Variants in LY96 observed in about 807,000 individuals in gnomAD.
The protein encoded by LY96 is lymphocyte antigen 96.
Under a neutral mutation model 18.9 loss-of-function variants are expected in LY96, and 18 were observed. The ratio of observed to expected loss-of-function variants is 0.95; its 90% CI spans 0.66 to 1.41. LY96 has a LOEUF of 1.41. Ranked by LOEUF, LY96 falls within the 40% of genes most tolerant of loss-of-function variation. LY96 has a pLI of 0.00. For synonymous variants in LY96, 66 were observed against 62.6 expected, an observed-to-expected ratio of 1.06 and a Z score of -0.26; for missense variants, 175 against 182.4, an observed-to-expected ratio of 0.96 and a Z score of 0.23.
intron 4 of LY96, among the ~76,000 whole-genome samples, chr8:74,028,245 A>G (rs1257928984): frequency 1.3e-5 from 2 of 152,172 alleles, no homozygotes; most frequent in Non-Finnish European, 2.9e-5. Context: ...CCTTAGTATT[A>G]GGTCTTTTGG....
intron 1 of LY96, among the ~76,000 whole-genome samples, chr8:73,999,101 G>T (rs1297114033): frequency 2.6e-5 from 4 of 151,854 alleles, no homozygotes; most frequent in Non-Finnish European, 4.4e-5. Context: ...CTCCTGAGTA[G>T]CTGGGACGAC....
rs1478086045 is a variant in LY96 at position 74,002,045 on chromosome 8, TCC to T, written c.113-2750_113-2749del. The stretch of plus-strand genomic sequence containing the variant: ...TTCCTTCCTTCCTTCCTTCCTTCCT[TCC>T]TTCCTTCCTTCCTTCCTTCCTTCCT... On this transcript the variant is annotated intron_variant, in intron 1 of 4. Coordinates refer to ENST00000284818, the MANE Select transcript of LY96 (RefSeq NM_015364.5). Among the ~76,000 whole-genome samples, 32 of 36,220 alleles carry T rather than the reference TCC, an allele frequency of 8.8e-4. 4 individuals carry two copies. In the East Asian group the frequency reaches 0.015, roughly 17 times the overall value. The allele number at this position is 36,220 out of a possible 152,430, so 23.8% of individuals were successfully genotyped here.
the LY96 span, among the ~76,000 whole-genome samples, chr8:74,060,661 C>T: frequency 6.6e-6 from 1 of 152,216 alleles, no homozygotes; most frequent in African/African-American, 2.4e-5. Context: ...GCATAGCCCT[C>T]TCTTTGCTGT....
the LY96 span, among the ~76,000 whole-genome samples, chr8:74,054,661 T>TTTCTTTCC: frequency 7.0e-6 from 1 of 142,766 alleles, no homozygotes; most frequent in African/African-American, 2.6e-5. Context: ...TCTTTCTTTC[T>TTTCTTTCC]TTCTTTCTTT....
At chr8:74,018,436 A>G (rs1332984267) in intron 3 of LY96, among the ~76,000 whole-genome samples, 1 of 152,150 alleles carries the variant, frequency 6.6e-6, no homozygotes, top group Admixed American at 6.5e-5. Flanking sequence ...GTCCTTAGAG[A>G]CCTACAAAGA....
At chr8:74,094,153 C>A in the LY96 span, among the ~76,000 whole-genome samples, 2 of 151,986 alleles carry the variant, frequency 1.3e-5, no homozygotes, top group East Asian at 3.9e-4. Context: ...ATCTGGGAAA[C>A]CTAATTGTGG....
At chr8:74,029,179 C>A, downstream of LY96, 1 of 645,926 alleles carries the variant, frequency 1.5e-6, no homozygotes, top group Non-Finnish European at 2.7e-6. Context: ...AAGAAAGAAG[C>A]TTATCCTCAC....
the LY96 span, among the ~76,000 whole-genome samples, chr8:74,040,997 T>C: frequency 6.6e-6 from 1 of 152,102 alleles, no homozygotes; most frequent in South Asian, 2.1e-4. Context: ...GAATCTGAAA[T>C]TATTTAAATA....
the LY96 span, among the ~76,000 whole-genome samples, chr8:74,097,583 A>T: frequency 1.3e-5 from 2 of 151,940 alleles, no homozygotes; most frequent in African/African-American, 4.8e-5. Flanking sequence ...GTGATGTGTG[A>T]CTGTAGTCCC....
At chr8:74,082,594 A>G in the LY96 span, among the ~76,000 whole-genome samples, 1 of 152,252 alleles carries the variant, frequency 6.6e-6, no homozygotes, top group African/African-American at 2.4e-5. Context: ...CACCCATCGT[A>G]GGTTCATAGC....
chr8:74,069,710 C>T, the LY96 span, among the ~76,000 whole-genome samples: 1 of 152,138 alleles, frequency 6.6e-6, no homozygotes, highest in African/African-American at 2.4e-5. Context: ...TCAAGCGATT[C>T]TCCCCTCTCA....
the LY96 span, among the ~76,000 whole-genome samples, chr8:74,071,676 C>T: frequency 6.6e-6 from 1 of 152,174 alleles, no homozygotes; most frequent in African/African-American, 2.4e-5. Flanking sequence ...GCTTGCCATC[C>T]TATTGCTTTT....
the LY96 span, among the ~76,000 whole-genome samples, chr8:74,046,856 T>G: frequency 6.6e-6 from 1 of 151,870 alleles, no homozygotes; most frequent in Admixed American, 6.6e-5. Context: ...TATGGCTTTT[T>G]GGGGGAGGTG....
chr8:74,013,673 C>T (rs1329241946), intron 3 of LY96, among the ~76,000 whole-genome samples: 1 of 152,064 alleles, frequency 6.6e-6, no homozygotes. Context: ...TTATTAGGGT[C>T]TTGAATCTGA....
chr8:74,082,325 C>T, the LY96 span, among the ~76,000 whole-genome samples: 2,161 of 152,198 alleles, frequency 0.014, 28 homozygotes, highest in Non-Finnish European at 0.021. Context: ...GAGCATGTTC[C>T]TAGATTGGAC....
At chr8:73,992,263 T>A (rs1295437498) in intron 1 of LY96, among the ~76,000 whole-genome samples, 2 of 152,116 alleles carry the variant, frequency 1.3e-5, no homozygotes, top group Non-Finnish European at 2.9e-5. Flanking sequence ...AGGCACAGTG[T>A]CAGGCCTGAC....
the LY96 span, among the ~76,000 whole-genome samples, chr8:74,050,919 A>G: frequency 1.3e-5 from 2 of 152,316 alleles, no homozygotes; most frequent in African/African-American, 2.4e-5. Flanking sequence ...GCTACTCAGG[A>G]GGCTGAGGCA....
At chr8:74,001,192 G>T (rs369781638) in intron 1 of LY96, among the ~76,000 whole-genome samples, 1 of 151,570 alleles carries the variant, frequency 6.6e-6, no homozygotes, top group African/African-American at 2.4e-5. Flanking sequence ...ACCAGTCTGG[G>T]CAACAAAGAA....
At chr8:74,088,085 G>GAATAA in the LY96 span, among the ~76,000 whole-genome samples, 349 of 84,860 alleles carry the variant, frequency 4.1e-3, no homozygotes, top group African/African-American at 8.7e-3. Context: ...ACTGAGAGAA[G>GAATAA]AATAGAATAG....
Sources: gnomAD v4.1 joint callset for allele counts (sites outside exome capture counted in the v4.1 genomes callset) on GRCh38, gnomAD v4.1.1 for gene constraint, MANE v1.5 for transcripts, NCBI Gene and HGNC (gene_info 2026-07-23, HGNC 2026-07-21) for gene names.